Variants in CTTN observed in about 807,000 individuals in gnomAD.
CTTN encodes the protein src substrate cortactin.
Under a neutral mutation model 84.0 loss-of-function variants are expected in CTTN, and 28 were observed. The ratio of observed to expected loss-of-function variants is 0.33; its 90% CI spans 0.25 to 0.46. The LOEUF (loss-of-function observed/expected upper bound fraction) is 0.46. Ranked by LOEUF, CTTN falls within the 20% of genes least tolerant of loss-of-function variation. The pLI, the probability that CTTN is intolerant of heterozygous loss-of-function variation, is 1.00. For missense variants in CTTN, 641 were observed against 723.8 expected, an observed-to-expected ratio of 0.89 and a Z score of 1.31; for synonymous variants, 301 against 288.8, an observed-to-expected ratio of 1.04 and a Z score of -0.43.
chr11:70,400,009 C>A (rs569050961), intron 1 of CTTN, among the ~76,000 whole-genome samples: 3 of 152,290 alleles, frequency 2.0e-5, no homozygotes, highest in Admixed American at 2.0e-4. Context: ...CTGAGTCAGT[C>A]CTGTTTCTCC....
chr11:70,434,589 C>T (rs909891577), intron 17 of CTTN, among the ~76,000 whole-genome samples: 2 of 152,284 alleles, frequency 1.3e-5, no homozygotes, highest in Admixed American at 6.5e-5. Flanking sequence ...ATTCTCATCA[C>T]CGTGGCTTTT....
At chr11:70,430,839 T>C (rs987292094) in intron 14 of CTTN, among the ~76,000 whole-genome samples, 2 of 152,208 alleles carry the variant, frequency 1.3e-5, no homozygotes, top group African/African-American at 4.8e-5. Flanking sequence ...GTCCCGGCAC[T>C]GTCGCGTCAC....
At position 70,433,106 on chromosome 11, in the gene CTTN, G is replaced by A. The variant is rs201960678; in HGVS notation, c.1272G>A (p.Ala424=). The A allele has an allele frequency of 8.7e-6, 14 of 1,613,186 alleles. No homozygotes were observed. The highest frequency in any genetic ancestry group is 3.3e-5 in the South Asian group (3 of 91,050). The change falls in exon 16 of 18, where the codon GCG becomes GCA. Residue 424 remains alanine (A), a synonymous_variant. Transcript: ENST00000301843. Reference sequence around the variant, plus strand: ...TGCGTGTGACCCTTCCCCAGGATGCGGCTTCCTTCAAGGCAGAGCTGAGCT... The same window carrying A: ...TGCGTGTGACCCTTCCCCAGGATGCAGCTTCCTTCAAGGCAGAGCTGAGCT... ...RLPSSPVYED[A]ASFKAELSYR...
intron 12 of CTTN, 29 bp from the exon 13 acceptor site, chr11:70,425,303 C>G: frequency 1.9e-6 from 3 of 1,590,120 alleles, no homozygotes; most frequent in Non-Finnish European, 2.6e-6. Flanking sequence ...GAAAAGTGCT[C>G]TCCTGACGCC....
At chr11:70,407,267 C>T in intron 2 of CTTN, 31 bp from the exon 3 acceptor site, 1 of 1,541,934 alleles carries the variant, frequency 6.5e-7, no homozygotes, top group East Asian at 2.4e-5. Flanking sequence ...CGCCCTGAGG[C>T]CTCCGTAACC....
chr11:70,413,643 C>T (rs1481760076), intron 5 of CTTN, among the ~76,000 whole-genome samples: 1 of 152,116 alleles, frequency 6.6e-6, no homozygotes, highest in Non-Finnish European at 1.5e-5. Context: ...AACAGAAGGT[C>T]CCCAAACCTG....
At chr11:70,434,001 G>C (rs977567099) in intron 17 of CTTN, among the ~76,000 whole-genome samples, 2 of 152,154 alleles carry the variant, frequency 1.3e-5, no homozygotes, top group African/African-American at 2.4e-5. Flanking sequence ...AGACTCCAGC[G>C]TGTTTCCCAA....
intron 9 of CTTN, 188 bp from the exon 10 acceptor site, chr11:70,420,212 T>G: frequency 1.6e-6 from 1 of 614,902 alleles, no homozygotes; most frequent in Admixed American, 2.8e-5. Context: ...GGTCATAGAC[T>G]AGGTTATTTC....
rs2058418409 is a variant in CTTN, at chr11:70,436,465, G to A, written c.*1303G>A. The A allele has an allele frequency of 6.6e-7, 1 of 1,510,032 alleles. No individual in the cohort carries two copies. The highest frequency in any genetic ancestry group is 1.1e-5 in the South Asian group (1 of 87,880). 93.5% of individuals were successfully genotyped at this position (1,510,032 alleles called of 1,614,324 possible). On this transcript the variant is annotated 3_prime_UTR_variant, in exon 18 of 18. Coordinates refer to ENST00000301843, the MANE Select transcript of CTTN (RefSeq NM_005231.4). ...CATCATCCTTGCTTTACCACAATGA[G>A]CAATGAGGTCGGGTTTTATATGCAA... is the stretch of plus-strand genomic sequence containing the variant.
At chr11:70,399,985 C>T (rs2057957660) in intron 1 of CTTN, among the ~76,000 whole-genome samples, 1 of 152,206 alleles carries the variant, frequency 6.6e-6, no homozygotes, top group Non-Finnish European at 1.5e-5. Context: ...GGGTGAGTCA[C>T]TGGCTCCAGA....
At chr11:70,403,136 A>G (rs756089312) in intron 1 of CTTN, among the ~76,000 whole-genome samples, 5 of 150,348 alleles carry the variant, frequency 3.3e-5, no homozygotes, top group East Asian at 1.9e-4. Flanking sequence ...AGATCCTTCA[A>G]TCATTTTTAA....
intron 5 of CTTN, among the ~76,000 whole-genome samples, chr11:70,414,060 C>G (rs553531867): frequency 1.1e-3 from 174 of 152,294 alleles, no homozygotes; most frequent in African/African-American, 4.1e-3. Context: ...AAGCCTGCAC[C>G]AAGGGCTGGG....
intron 5 of CTTN, 59 bp from the exon 6 acceptor site, chr11:70,414,483 G>A (rs2058134478): frequency 8.7e-6 from 11 of 1,268,138 alleles, no homozygotes; most frequent in Non-Finnish European, 1.1e-5. Context: ...GCTCTGGGAG[G>A]AAGTGAAGCG....
In CTTN at chr11:70,436,341, T is replaced by A. The variant is rs1591456355; in HGVS notation, c.*1179T>A. 3 of 1,598,086 alleles carry A rather than the reference T, an allele frequency of 1.9e-6. No homozygotes were observed. Among genetic ancestry groups the A allele is most frequent in the South Asian group, 2.2e-5 (2 of 91,046 alleles). ...GGACCAGTCCCGTCGTGCAGTCAGG[T>A]GGGCGGTGTGTCTTTCCAGAAGGTC... On this transcript the variant is annotated 3_prime_UTR_variant, in exon 18 of 18. Transcript: ENST00000301843.
At position 70,435,917 on chromosome 11, in the gene CTTN, A is replaced by G. The variant is rs1806494184; in HGVS notation, c.*755A>G. ...CCTCCCCTGCCCCGCGGGTCTCTGG[A>G]TTGGGACGCACAGTGCAGTTGAGGT... On this transcript the variant is annotated 3_prime_UTR_variant, in exon 18 of 18. Transcript: ENST00000301843. 6.8e-7 allele frequency: 1 copy of G among 1,464,322 alleles called. No homozygotes were observed. The highest frequency in any genetic ancestry group is 1.4e-5 in the South Asian group (1 of 70,670). 90.7% of individuals were successfully genotyped at this position (1,464,322 alleles called of 1,614,324 possible). A position where few individuals can be genotyped will look rare whatever the true frequency, so the allele number is the denominator to read the frequency against.
chr11:70,423,028 C>T, intron 12 of CTTN, 33 bp downstream of exon 12: 1 of 1,613,522 alleles, frequency 6.2e-7, no homozygotes. Flanking sequence ...TTAGTGTCTT[C>T]TGCCTGCAGG....
intron 5 of CTTN, among the ~76,000 whole-genome samples, chr11:70,413,297 T>C (rs997889387): frequency 2.0e-5 from 3 of 152,210 alleles, no homozygotes; most frequent in African/African-American, 7.2e-5. Flanking sequence ...TGCCGTGGAC[T>C]TTCTCCACGC....
chr11:70,400,295 C>T (rs1344846448), intron 1 of CTTN, among the ~76,000 whole-genome samples: 1 of 152,080 alleles, frequency 6.6e-6, no homozygotes, highest in East Asian at 1.9e-4. Flanking sequence ...ACAGGGAGAC[C>T]TTGTGTCTAC....
At chr11:70,404,274 C>T (rs1030182588) in intron 1 of CTTN, among the ~76,000 whole-genome samples, 2 of 152,268 alleles carry the variant, frequency 1.3e-5, no homozygotes, top group Non-Finnish European at 1.5e-5. Flanking sequence ...TGCCTGTGAC[C>T]GGCTTGTTCC....
Sources: gnomAD v4.1 joint callset for allele counts (sites outside exome capture counted in the v4.1 genomes callset) on GRCh38, gnomAD v4.1.1 for gene constraint, MANE v1.5 for transcripts, NCBI Gene and HGNC (gene_info 2026-07-23, HGNC 2026-07-21) for gene names.